NOS1AP: variants seen among roughly 807,000 people sequenced by gnomAD.
The protein encoded by NOS1AP is nitric oxide synthase 1 adaptor protein.
A neutral mutation model predicts 56.2 loss-of-function variants in NOS1AP; 21 were observed. That is an observed-to-expected ratio of 0.37 (90% CI 0.26 to 0.54). The LOEUF is 0.54. Among genes scored for constraint, NOS1AP ranks in the 20% least tolerant of loss-of-function variants. The pLI is 0.84. For missense variants in NOS1AP, 522 were observed against 657.8 expected, an observed-to-expected ratio of 0.79 and a Z score of 2.26; for synonymous variants, 270 against 274.6, an observed-to-expected ratio of 0.98 and a Z score of 0.17.
intron 2 of NOS1AP, among the ~76,000 whole-genome samples, chr1:162,245,020 G>A (rs1456921431): frequency 6.6e-6 from 1 of 152,146 alleles, no homozygotes; most frequent in Non-Finnish European, 1.5e-5. Flanking sequence ...TTATTTAAAT[G>A]CTGAGATTGT....
intron 4 of NOS1AP, among the ~76,000 whole-genome samples, chr1:162,311,131 G>A (rs1177271188): frequency 6.6e-6 from 1 of 151,904 alleles, no homozygotes. Flanking sequence ...GGTCCTCATG[G>A]CCTGGCCTTG....
At chr1:162,203,764 G>C (rs1652068550) in intron 2 of NOS1AP, among the ~76,000 whole-genome samples, 1 of 152,168 alleles carries the variant, frequency 6.6e-6, no homozygotes, top group Non-Finnish European at 1.5e-5. Flanking sequence ...ATAAAAGCAA[G>C]CTCCACCTTG....
intron 2 of NOS1AP, among the ~76,000 whole-genome samples, chr1:162,269,810 C>T (rs1018529209): frequency 2.6e-4 from 40 of 151,638 alleles, no homozygotes; most frequent in African/African-American, 7.7e-4. Context: ...GAGTAATTTA[C>T]GTGTAGTTCA....
chr1:162,366,118 C>T (rs564513476), intron 9 of NOS1AP, among the ~76,000 whole-genome samples: 5 of 152,204 alleles, frequency 3.3e-5, no homozygotes, highest in Non-Finnish European at 7.3e-5. Flanking sequence ...TGCCTGGCCC[C>T]TGCTTGAGAA....
At chr1:162,134,047 AT>A (rs1648874023) in intron 1 of NOS1AP, among the ~76,000 whole-genome samples, 1 of 152,318 alleles carries the variant, frequency 6.6e-6, no homozygotes, top group South Asian at 2.1e-4. Context: ...GAGAAAATGA[AT>A]TTCAGTTTAA....
rs1376904156 is a variant in NOS1AP, at chr1:162,235,530, T to C, written c.178-51814T>C. On this transcript the variant is annotated intron_variant, in intron 2 of 9. Coordinates refer to ENST00000361897, the MANE Select transcript of NOS1AP (RefSeq NM_014697.3). The stretch of plus-strand genomic sequence containing the variant: ...TCAAGGCTGACTTGTCAAAGGCTCT[T>C]GCTGGTTTGTGTTTCAGGCTCTTGG... Among the ~76,000 whole-genome samples, 9 of 152,358 alleles carry C rather than the reference T, an allele frequency of 5.9e-5. No individual in the cohort carries two copies. The East Asian group carries it at 1.7e-3, about 29-fold the overall frequency.
In NOS1AP at chr1:162,355,087, TC is replaced by T. The variant is rs1335694149; in HGVS notation, c.596-97del. ...TGAAAATGTTACAAAGCCAGTGGCA[TC>T]CCTAGGCTCAACATGCCTGAAAGCT... On this transcript the variant is annotated intron_variant, in intron 6 of 9. Coordinates refer to ENST00000361897, the MANE Select transcript of NOS1AP (RefSeq NM_014697.3). 10 of 1,340,638 alleles carry T rather than the reference TC, an allele frequency of 7.5e-6. No homozygotes were observed. In the African/African-American group the frequency reaches 1.4e-4, roughly 19 times the overall value. 83.0% of individuals were successfully genotyped at this position (1,340,638 alleles called of 1,614,324 possible).
intron 4 of NOS1AP, among the ~76,000 whole-genome samples, chr1:162,316,138 C>T (rs767316082): frequency 1.5e-4 from 23 of 152,080 alleles, no homozygotes; most frequent in Non-Finnish European, 2.6e-4. Flanking sequence ...AACCAACCCA[C>T]CTATATAAAA....
intron 2 of NOS1AP, among the ~76,000 whole-genome samples, chr1:162,231,949 A>T (rs973947866): frequency 6.6e-6 from 1 of 152,214 alleles, no homozygotes; most frequent in African/African-American, 2.4e-5. Context: ...GGGAATTAGT[A>T]TTGGGCTGTT....
intron 2 of NOS1AP, among the ~76,000 whole-genome samples, chr1:162,277,157 T>C (rs140452530): frequency 1.3e-5 from 2 of 152,252 alleles, no homozygotes; most frequent in African/African-American, 4.8e-5. Flanking sequence ...CCCTGAGTGA[T>C]TTATATGGAC....
chr1:162,243,372 T>C (rs116758794), intron 2 of NOS1AP, among the ~76,000 whole-genome samples: 3 of 152,212 alleles, frequency 2.0e-5, no homozygotes, highest in African/African-American at 7.2e-5. Flanking sequence ...GAGACCAGGG[T>C]ATTCACTTCC....
intron 7 of NOS1AP, 108 bp from the exon 8 acceptor site, chr1:162,356,852 G>A: frequency 1.2e-6 from 2 of 1,603,946 alleles, no homozygotes; most frequent in Non-Finnish European, 1.7e-6. Context: ...TCAGCTTATG[G>A]GTTGTAAGTG....
chr1:162,197,996 CA>C (rs1651863434), intron 2 of NOS1AP, among the ~76,000 whole-genome samples: 1 of 152,250 alleles, frequency 6.6e-6, no homozygotes, highest in Non-Finnish European at 1.5e-5. Flanking sequence ...AGTGTGTCTT[CA>C]TCCTACCTGC....
intron 1 of NOS1AP, among the ~76,000 whole-genome samples, chr1:162,142,679 T>C (rs1649287942): frequency 6.6e-6 from 1 of 152,226 alleles, no homozygotes; most frequent in African/African-American, 2.4e-5. Flanking sequence ...TTCTTTCTGC[T>C]AACAGTGTAG....
chr1:162,070,889 G>A (rs1353329257), intron 1 of NOS1AP, among the ~76,000 whole-genome samples: 1 of 152,108 alleles, frequency 6.6e-6, no homozygotes, highest in Non-Finnish European at 1.5e-5. Flanking sequence ...GTGGCTTAAT[G>A]TTAAGTTTCA....
intron 8 of NOS1AP, chr1:162,360,948 C>T (rs991860597): frequency 6.6e-6 from 3 of 456,294 alleles, no homozygotes; most frequent in African/African-American, 4.0e-5. Context: ...AGAGTGAGGG[C>T]GCCAATGGTC....
intron 1 of NOS1AP, among the ~76,000 whole-genome samples, chr1:162,108,043 A>T (rs963076705): frequency 6.6e-6 from 1 of 152,244 alleles, no homozygotes; most frequent in Non-Finnish European, 1.5e-5. Flanking sequence ...TTTTAGAAAC[A>T]TGGTCTACCT....
chr1:162,303,904 CTTTTTTT>C (rs35658165), intron 4 of NOS1AP, among the ~76,000 whole-genome samples: 5 of 110,724 alleles, frequency 4.5e-5, no homozygotes, highest in African/African-American at 7.0e-5. Context: ...TCTGGCTTGT[CTTTTTTT>C]TTTTTTTTTT....
intron 1 of NOS1AP, among the ~76,000 whole-genome samples, chr1:162,073,268 G>A (rs190444430): frequency 2.0e-5 from 3 of 152,280 alleles, no homozygotes; most frequent in Admixed American, 6.5e-5. Context: ...TCACAGTTGT[G>A]TATGACAAAG....
Sources: allele counts gnomAD v4.1 joint callset (sites outside exome capture counted in the v4.1 genomes callset), GRCh38; gene constraint gnomAD v4.1.1; transcripts MANE v1.5; gene names NCBI Gene and HGNC (gene_info 2026-07-23, HGNC 2026-07-21).